Variants in TMTC3 observed in about 807,000 individuals in gnomAD.
The protein encoded by TMTC3 is transmembrane O-mannosyltransferase targeting cadherins 3.
Under a neutral mutation model 92.2 loss-of-function variants are expected in TMTC3, and 52 were observed. The observed-to-expected ratio is 0.56, with a 90% CI of 0.45 to 0.71. The LOEUF (loss-of-function observed/expected upper bound fraction) is 0.71. Among genes scored for constraint, TMTC3 ranks in the 30% least tolerant of loss-of-function variants. The probability of loss-of-function intolerance (pLI) is 0.00; values close to 1 mark genes in which losing one functional copy is unlikely to be tolerated. For synonymous variants in TMTC3, 339 were observed against 363.3 expected (o/e 0.93, Z 0.76); for missense variants, 896 against 1,057.1 (o/e 0.85, Z 2.11).
rs2041554676 is a variant in TMTC3, at chr12:88,199,316, C to T, written c.*3667C>T. 1 of 151,868 alleles carries T rather than the reference C, an allele frequency of 6.6e-6. No individual in the cohort carries two copies. The highest frequency in any genetic ancestry group is 2.1e-4 in the South Asian group (1 of 4,818). 9.4% of individuals were successfully genotyped at this position (151,868 alleles called of 1,614,324 possible). Reference sequence around the variant, plus strand: ...ACCTATATGTCCTCAGTTTCTTCATCTACAAGTTGGGAAAAACATTTTCCT... The same window carrying T: ...ACCTATATGTCCTCAGTTTCTTCATTTACAAGTTGGGAAAAACATTTTCCT... On this transcript the variant is annotated 3_prime_UTR_variant, in exon 14 of 14. Coordinates refer to ENST00000266712, the MANE Select transcript of TMTC3 (RefSeq NM_181783.4).
chr12:88,190,448 A>G lies in TMTC3; in HGVS notation c.1537-5A>G. 1.2e-6 allele frequency: 2 copies of G among 1,612,554 alleles called. No homozygotes were observed. Among genetic ancestry groups the G allele is most frequent in the Non-Finnish European group, 8.5e-7 (1 of 1,179,214 alleles). ...AATCATGAAAATGCCTTTTCTTCTA[A>G]ACAGATTATTCCTGGTAAAAAATAT... is the stretch of plus-strand genomic sequence containing the variant. On this transcript the variant is annotated splice_region_variant and splice_polypyrimidine_tract_variant and intron_variant, in intron 11 of 13. Coordinates refer to ENST00000266712, the MANE Select transcript of TMTC3 (RefSeq NM_181783.4).
intron 10 of TMTC3, among the ~76,000 whole-genome samples, chr12:88,186,544 G>A (rs1048117930): frequency 2.6e-5 from 4 of 152,144 alleles, no homozygotes; most frequent in Non-Finnish European, 5.9e-5. Context: ...TTAAAAGCTA[G>A]ATTGTTAACT....
intron 7 of TMTC3, among the ~76,000 whole-genome samples, chr12:88,170,952 T>G (rs1163503531): frequency 6.6e-6 from 1 of 152,228 alleles, no homozygotes; most frequent in East Asian, 1.9e-4. Flanking sequence ...CAGTGTTATA[T>G]TAATAATTTT....
At chr12:88,148,793 G>T in intron 2 of TMTC3, among the ~76,000 whole-genome samples, 1 of 151,340 alleles carries the variant, frequency 6.6e-6, no homozygotes, top group Non-Finnish European at 1.5e-5. Context: ...TTGTCACGTG[G>T]GTATATTGCG....
chr12:88,147,084 ATTAT>A (rs993807798), intron 1 of TMTC3, among the ~76,000 whole-genome samples: 5 of 149,680 alleles, frequency 3.3e-5, no homozygotes, highest in African/African-American at 1.2e-4. Context: ...ATATTTTTAA[ATTAT>A]TTAATTTATT....
intron 10 of TMTC3, among the ~76,000 whole-genome samples, chr12:88,187,841 G>C (rs2138435112): frequency 6.6e-6 from 1 of 152,254 alleles, no homozygotes; most frequent in South Asian, 2.1e-4. Context: ...TTTAGTTCGT[G>C]TTGAGTATAA....
intron 2 of TMTC3, among the ~76,000 whole-genome samples, 153 bp from the exon 3 acceptor site, chr12:88,153,138 A>G (rs1592723832): frequency 6.6e-6 from 1 of 151,558 alleles, no homozygotes; most frequent in Admixed American, 6.5e-5. Flanking sequence ...ACTGTATTTT[A>G]TTTTTGTGTT....
In TMTC3 at chr12:88,182,080, G is replaced by C. The variant is rs564006802; in HGVS notation, c.1432+5761G>C. Among the ~76,000 whole-genome samples, 9 of 152,312 alleles carry C rather than the reference G, an allele frequency of 5.9e-5. 1 individual carries two copies. Among genetic ancestry groups the C allele is most frequent in the African/African-American group, 2.2e-4 (9 of 41,574 alleles). On this transcript the variant is annotated intron_variant, in intron 10 of 13. Transcript: ENST00000266712. ...ACTCAAAGGAATTCTTATGACATCA[G>C]GGTCATAACCTAGAAACTGATTGCA...
chr12:88,179,494 A>C (rs2041293896), intron 10 of TMTC3, among the ~76,000 whole-genome samples: 1 of 152,210 alleles, frequency 6.6e-6, no homozygotes, highest in Non-Finnish European at 1.5e-5. Flanking sequence ...GCCAGTTTCT[A>C]GGCAATAATG....
Position 88,195,657 on chromosome 12 carries a change from A to G in TMTC3, c.*8A>G. On this transcript the variant is annotated 3_prime_UTR_variant, in exon 14 of 14. Coordinates refer to ENST00000266712, the MANE Select transcript of TMTC3 (RefSeq NM_181783.4). ...ATTTTAAATGGTGAATAACATTAATATTTATCGTGACAATGGTATCAAAGA... is the reference window on the plus strand; with the variant it reads ...ATTTTAAATGGTGAATAACATTAATGTTTATCGTGACAATGGTATCAAAGA... 2 of 1,569,370 alleles carry G rather than the reference A, an allele frequency of 1.3e-6. No individual in the cohort carries two copies. Among genetic ancestry groups the G allele is most frequent in the Non-Finnish European group, 8.6e-7 (1 of 1,161,520 alleles).
At chr12:88,164,765 G>A (rs994942334) in intron 6 of TMTC3, among the ~76,000 whole-genome samples, 3 of 152,010 alleles carry the variant, frequency 2.0e-5, no homozygotes, top group Non-Finnish European at 4.4e-5. Flanking sequence ...TTACATGATC[G>A]TGCATTGCTG....
rs2041492853 is a variant in TMTC3 at position 88,195,011 on chromosome 12, A to G, written c.2107A>G (p.Ser703Gly). 13 of 1,613,742 alleles carry G rather than the reference A, an allele frequency of 8.1e-6. No individual in the cohort carries two copies. The highest frequency in any genetic ancestry group is 1.1e-5 in the Non-Finnish European group (13 of 1,179,922). ...CATAAAGTTACAAGCCGACTTCCGA[A>G]GTGCTTTGTTTAATCTGGCTCTCCT... ...KAIKLQADFR[S>G]ALFNLALLYS... Residue 703 changes from serine (S) to glycine (G), a missense_variant, in exon 14 of 14, where the codon AGT becomes GGT. Ser to Gly is a moderately conservative substitution (Grantham distance 56). Transcript: ENST00000266712.
At chr12:88,146,593 G>GTA (rs1471420750) in intron 1 of TMTC3, among the ~76,000 whole-genome samples, 1 of 146,414 alleles carries the variant, frequency 6.8e-6, no homozygotes, top group Admixed American at 6.9e-5. Flanking sequence ...CTATATATTT[G>GTA]TGTGTGTGTG....
At chr12:88,166,029 CTT>C (rs1397986769) in intron 6 of TMTC3, among the ~76,000 whole-genome samples, 1 of 152,114 alleles carries the variant, frequency 6.6e-6, no homozygotes, top group African/African-American at 2.4e-5. Flanking sequence ...TAATGGAACA[CTT>C]TTGCAGTGTT....
In TMTC3 at chr12:88,148,895, A is replaced by G. The variant is rs557652864; in HGVS notation, c.189+391A>G. ...TGGCTTAACTTCTTAAAAATAATAT[A>G]TATTTATGTGAAAACCAAATGTATA... On this transcript the variant is annotated intron_variant, in intron 2 of 13. Coordinates refer to ENST00000266712, the MANE Select transcript of TMTC3 (RefSeq NM_181783.4). Among the ~76,000 whole-genome samples, 13 of 152,222 alleles carry G rather than the reference A, an allele frequency of 8.5e-5. No individual in the cohort carries two copies. In the South Asian group the frequency reaches 2.7e-3, roughly 31 times the overall value.
intron 4 of TMTC3, 51 bp from the exon 5 acceptor site, chr12:88,160,063 T>C: frequency 8.3e-7 from 1 of 1,209,836 alleles, no homozygotes; most frequent in Non-Finnish European, 1.2e-6. Context: ...CTTTTTTTGA[T>C]ATTATAAAAT....
chr12:88,157,409 T>A (rs1022857795), intron 4 of TMTC3, among the ~76,000 whole-genome samples: 1 of 151,920 alleles, frequency 6.6e-6, no homozygotes, highest in South Asian at 2.1e-4. Context: ...CCCATACCCC[T>A]TTTGTAAATA....
In TMTC3 at chr12:88,160,218, A is replaced by T; in HGVS notation, c.613A>T (p.Ile205Phe). ...VGICCVYEVF[I>F]AQGYTLPLLC... ...AATTTGCTGTGTGTATGAAGTGTTT[A>T]TTGCCCAGGGGGTAAGCCAAACTAT... Residue 205 changes from isoleucine to phenylalanine, a missense_variant, in exon 5 of 14, where the codon ATT becomes TTT. Ile to Phe is a conservative substitution (Grantham distance 21). Transcript: ENST00000266712. 1 of 1,553,564 alleles carries T rather than the reference A, an allele frequency of 6.4e-7. No homozygotes were observed. Among genetic ancestry groups the T allele is most frequent in the South Asian group, 1.3e-5 (1 of 77,174 alleles).
chr12:88,182,040 T>C (rs1442955332), intron 10 of TMTC3, among the ~76,000 whole-genome samples: 1 of 152,226 alleles, frequency 6.6e-6, no homozygotes, highest in Non-Finnish European at 1.5e-5. Context: ...GCAATATTGC[T>C]TCGAGTTGCT....
Sources: gnomAD v4.1 joint callset for allele counts (sites outside exome capture counted in the v4.1 genomes callset) on GRCh38, gnomAD v4.1.1 for gene constraint, MANE v1.5 for transcripts, NCBI Gene and HGNC (gene_info 2026-07-23, HGNC 2026-07-21) for gene names.